Variants in NELL1 observed in about 807,000 individuals in gnomAD.
NELL1 encodes the protein protein kinase C-binding protein NELL1.
NELL1 carries 76 observed loss-of-function variants against 107.4 expected under a neutral mutation model. The observed-to-expected ratio is 0.71, with a 90% CI of 0.59 to 0.86. The LOEUF (loss-of-function observed/expected upper bound fraction) is 0.86. NELL1 is among the 40% of genes least tolerant of loss of function. The probability of loss-of-function intolerance (pLI) is 0.00; values close to 1 mark genes in which losing one functional copy is unlikely to be tolerated. For synonymous variants in NELL1, 353 were observed against 341.2 expected (o/e 1.03, Z -0.38); for missense variants, 1,024 against 1,005.5 (o/e 1.02, Z -0.25).
At chr11:21,064,186 G>T (rs941284882) in intron 12 of NELL1, among the ~76,000 whole-genome samples, 1 of 152,128 alleles carries the variant, frequency 6.6e-6, no homozygotes, top group Non-Finnish European at 1.5e-5. Context: ...GAGGCAGCAA[G>T]GGGCCAGATG....
intron 2 of NELL1, among the ~76,000 whole-genome samples, chr11:20,703,124 G>A (rs770880826): frequency 9.2e-5 from 14 of 152,120 alleles, no homozygotes; most frequent in Non-Finnish European, 1.9e-4. Context: ...CTGTGAATCT[G>A]TCTGGTGCTG....
At chr11:21,337,827 T>TCTTGCTTGCTTG (rs1555006196) in intron 14 of NELL1, among the ~76,000 whole-genome samples, 2,838 of 105,356 alleles carry the variant, frequency 0.027, 112 homozygotes, top group African/African-American at 0.053. Flanking sequence ...CTTCTTTCTT[T>TCTTGCTTGCTTG]CTTTCTTTCT....
chr11:21,265,663 G>A (rs887120805), intron 14 of NELL1, among the ~76,000 whole-genome samples: 1 of 152,032 alleles, frequency 6.6e-6, no homozygotes, highest in African/African-American at 2.4e-5. Flanking sequence ...GAGTATGTGT[G>A]TCTGTGTGCA....
At chr11:21,130,768 G>A (rs1855597588) in intron 13 of NELL1, among the ~76,000 whole-genome samples, 1 of 152,172 alleles carries the variant, frequency 6.6e-6, no homozygotes, top group South Asian at 2.1e-4. Context: ...TCAGTATTTT[G>A]TATTTGTTAG....
intron 7 of NELL1, among the ~76,000 whole-genome samples, chr11:20,926,803 CT>C (rs1263217338): frequency 2.0e-5 from 3 of 152,092 alleles, no homozygotes; most frequent in African/African-American, 7.2e-5. Context: ...TACGACTTTT[CT>C]TTTTTTCTGA....
At chr11:20,866,704 C>G (rs1204759995) in intron 4 of NELL1, among the ~76,000 whole-genome samples, 1 of 152,212 alleles carries the variant, frequency 6.6e-6, no homozygotes, top group Non-Finnish European at 1.5e-5. Context: ...GGCACCCCCT[C>G]TAGCAGATGA....
chr11:21,141,438 T>A (rs185213013), intron 13 of NELL1, among the ~76,000 whole-genome samples: 54 of 152,322 alleles, frequency 3.5e-4, no homozygotes, highest in Non-Finnish European at 6.9e-4. Context: ...TTTCACTGTG[T>A]GATCTTGGGT....
chr11:21,471,280 G>A (rs1854173642), intron 15 of NELL1, among the ~76,000 whole-genome samples: 1 of 152,028 alleles, frequency 6.6e-6, no homozygotes, highest in African/African-American at 2.4e-5. Flanking sequence ...AGGAGGTTAA[G>A]AAAAAGTAGC....
At chr11:21,277,137 G>A (rs1590796827) in intron 14 of NELL1, among the ~76,000 whole-genome samples, 1 of 151,666 alleles carries the variant, frequency 6.6e-6, no homozygotes, top group East Asian at 1.9e-4. Flanking sequence ...GAAAATTTTT[G>A]CAATCTACTC....
intron 15 of NELL1, among the ~76,000 whole-genome samples, chr11:21,466,919 C>T (rs925956067): frequency 4.0e-5 from 6 of 151,490 alleles, no homozygotes; most frequent in Non-Finnish European, 8.8e-5. Flanking sequence ...TGAATATCTC[C>T]CCAGACATTC....
chr11:20,708,510 T>G (rs113649025), intron 2 of NELL1, among the ~76,000 whole-genome samples: 5,833 of 152,272 alleles, frequency 0.038, 395 homozygotes, highest in African/African-American at 0.13. Flanking sequence ...TTTTGGCCAT[T>G]TGTATATCTT....
intron 13 of NELL1, among the ~76,000 whole-genome samples, chr11:21,223,145 C>A (rs894814897): frequency 6.6e-5 from 10 of 151,824 alleles, no homozygotes; most frequent in African/African-American, 2.4e-4. Flanking sequence ...TTGTTCAAGC[C>A]CCCTATCATT....
chr11:20,681,576 A>G (rs1412211640), intron 2 of NELL1, among the ~76,000 whole-genome samples: 1 of 152,070 alleles, frequency 6.6e-6, no homozygotes, highest in East Asian at 1.9e-4. Flanking sequence ...CCTCTTCCAC[A>G]TTTTTAGGTA....
intron 13 of NELL1, among the ~76,000 whole-genome samples, chr11:21,134,366 G>A (rs1415279537): frequency 3.3e-5 from 5 of 152,120 alleles, no homozygotes; most frequent in African/African-American, 1.2e-4. Flanking sequence ...CTCAGTGGAA[G>A]GACAGGAAGG....
chr11:20,805,836 C>T (rs34318435), intron 3 of NELL1, among the ~76,000 whole-genome samples: 32,938 of 152,166 alleles, frequency 0.22, 3,875 homozygotes, highest in African/African-American at 0.27. Context: ...AACTTAACAC[C>T]GAGTACATAA....
intron 13 of NELL1, among the ~76,000 whole-genome samples, chr11:21,219,347 A>G (rs1857694943): frequency 6.6e-6 from 1 of 152,126 alleles, no homozygotes. Context: ...TTGTGCTGTT[A>G]AATTATTTGA....
intron 14 of NELL1, among the ~76,000 whole-genome samples, chr11:21,354,314 T>A (rs1159982922): frequency 6.6e-6 from 1 of 152,050 alleles, no homozygotes; most frequent in African/African-American, 2.4e-5. Flanking sequence ...TTTTTTCTTT[T>A]CTTTATTTAT....
chr11:21,522,693 G>C (rs895839133), intron 15 of NELL1, among the ~76,000 whole-genome samples: 1 of 151,988 alleles, frequency 6.6e-6, no homozygotes, highest in African/African-American at 2.4e-5. Flanking sequence ...AGTTATACTT[G>C]TACCCCATAA....
At chr11:20,705,285 C>G (rs1055409460) in intron 2 of NELL1, among the ~76,000 whole-genome samples, 2 of 152,114 alleles carry the variant, frequency 1.3e-5, no homozygotes, top group Non-Finnish European at 2.9e-5. Flanking sequence ...CTACAGTAAC[C>G]AAAACAGCAT....
Sources: allele counts gnomAD v4.1 joint callset (sites outside exome capture counted in the v4.1 genomes callset), GRCh38; gene constraint gnomAD v4.1.1; transcripts MANE v1.5; gene names NCBI Gene and HGNC (gene_info 2026-07-23, HGNC 2026-07-21).